The following ZFHX3 variants were observed in gnomAD, a reference collection of about 807,000 sequenced individuals.
ZFHX3 encodes the protein zinc finger homeobox 3, also known as zinc finger homeobox protein 3.
ZFHX3 carries 42 observed loss-of-function variants against 279.1 expected under a neutral mutation model. The ratio of observed to expected loss-of-function variants is 0.15; its 90% CI spans 0.12 to 0.19. The LOEUF is 0.19. Among genes scored for constraint, ZFHX3 ranks in the 10% least tolerant of loss-of-function variants. ZFHX3 has a pLI of 1.00. For missense variants in ZFHX3, 4,981 were observed against 4,754.0 expected (o/e 1.05, Z -1.40); for synonymous variants, 2,293 against 1,957.8 (o/e 1.17, Z -4.52).
chr16:73,590,193 A>C (rs889860371), intron 2 of ZFHX3, among the ~76,000 whole-genome samples: 2 of 152,180 alleles, frequency 1.3e-5, no homozygotes, highest in Non-Finnish European at 2.9e-5. Flanking sequence ...ATCTGTGTGA[A>C]CTCATGATAT....
intron 7 of ZFHX3, among the ~76,000 whole-genome samples, chr16:73,101,150 T>C (rs1163221926): frequency 6.6e-6 from 1 of 152,164 alleles, no homozygotes; most frequent in African/African-American, 2.4e-5. Context: ...TGCTTCACTT[T>C]CGATTCCTCT....
At chr16:73,391,195 G>T (rs1255293694) in intron 3 of ZFHX3, among the ~76,000 whole-genome samples, 6 of 152,128 alleles carry the variant, frequency 3.9e-5, no homozygotes, top group Admixed American at 2.6e-4. Flanking sequence ...CTAGGTTTTG[G>T]CCAGACGCGG....
At chr16:73,590,646 A>C (rs1267260397) in intron 2 of ZFHX3, among the ~76,000 whole-genome samples, 1 of 152,256 alleles carries the variant, frequency 6.6e-6, no homozygotes, top group Non-Finnish European at 1.5e-5. Context: ...GAAGGAAAAT[A>C]ATCAAGTATT....
intron 7 of ZFHX3, among the ~76,000 whole-genome samples, chr16:73,108,803 A>T (rs576815376): frequency 7.9e-5 from 12 of 152,206 alleles, no homozygotes; most frequent in Admixed American, 6.5e-5. Context: ...TGGGATCAGC[A>T]TCAAACCGAA....
intron 5 of ZFHX3, among the ~76,000 whole-genome samples, chr16:73,170,223 GTTTTTTTT>G (rs1156523996): frequency 3.5e-4 from 20 of 57,746 alleles, no homozygotes; most frequent in South Asian, 9.5e-4. Context: ...CCTTTCACTA[GTTTTTTTT>G]TTTTTTTTTT....
chr16:73,759,874 T>C (rs1268981748), intron 1 of ZFHX3, among the ~76,000 whole-genome samples: 5 of 71,978 alleles, frequency 6.9e-5, no homozygotes, highest in Non-Finnish European at 3.3e-5. Flanking sequence ...TGTCTTGGTC[T>C]TACAGGAAAA....
chr16:72,824,773 A>T (rs1043801231), intron 5 of ZFHX3, among the ~76,000 whole-genome samples: 1 of 152,242 alleles, frequency 6.6e-6, no homozygotes, highest in Admixed American at 6.5e-5. Context: ...GCAAATAATG[A>T]TTAATTGGAT....
chr16:73,853,532 C>G (rs1403470295), intron 1 of ZFHX3, among the ~76,000 whole-genome samples: 2 of 152,170 alleles, frequency 1.3e-5, no homozygotes, highest in African/African-American at 4.8e-5. Flanking sequence ...TTTGCAGCAA[C>G]ATGGATGGAA....
intron 1 of ZFHX3, among the ~76,000 whole-genome samples, chr16:73,718,331 A>G (rs2142234979): frequency 6.6e-6 from 1 of 152,184 alleles, no homozygotes; most frequent in South Asian, 2.1e-4. Context: ...GAATCACTTG[A>G]ACCCAGGAGG....
intron 5 of ZFHX3, among the ~76,000 whole-genome samples, chr16:73,159,288 A>T (rs1323082489): frequency 6.6e-6 from 1 of 152,240 alleles, no homozygotes; most frequent in Non-Finnish European, 1.5e-5. Context: ...GTACATTGCC[A>T]TTGTGGTAAA....
intron 5 of ZFHX3, among the ~76,000 whole-genome samples, chr16:73,169,010 A>G (rs1567408431): frequency 6.6e-6 from 1 of 152,138 alleles, no homozygotes; most frequent in African/African-American, 2.4e-5. Flanking sequence ...TTTTAGAACT[A>G]TTGTTTGGTT....
chr16:73,823,399 A>T (rs76097277), intron 1 of ZFHX3, among the ~76,000 whole-genome samples: 2,762 of 152,292 alleles, frequency 0.018, 78 homozygotes, highest in African/African-American at 0.064. Flanking sequence ...GACAGCATCA[A>T]TGACAGATGA....
chr16:73,851,517 G>A (rs1961593544), intron 1 of ZFHX3, among the ~76,000 whole-genome samples: 1 of 152,116 alleles, frequency 6.6e-6, no homozygotes. Flanking sequence ...TTGCTAAATG[G>A]ATAAAATAAC....
At chr16:73,077,487 T>C (rs1435871258) in intron 8 of ZFHX3, among the ~76,000 whole-genome samples, 1 of 151,922 alleles carries the variant, frequency 6.6e-6, no homozygotes, top group Admixed American at 6.6e-5. Context: ...GAAGTGACTC[T>C]CCCGTGATTT....
At chr16:72,846,958 C>T (rs2037497206) in intron 4 of ZFHX3, among the ~76,000 whole-genome samples, 2 of 152,190 alleles carry the variant, frequency 1.3e-5, no homozygotes, top group African/African-American at 2.4e-5. Context: ...GACCATCGTG[C>T]TCTGAAGCCT....
chr16:73,783,565 T>C (rs1347296638), intron 1 of ZFHX3, among the ~76,000 whole-genome samples: 3 of 152,194 alleles, frequency 2.0e-5, no homozygotes, highest in African/African-American at 7.2e-5. Context: ...ACCTATAGCA[T>C]GTGGGAAAGT....
At chr16:73,160,667 C>T (rs1967208435) in intron 5 of ZFHX3, among the ~76,000 whole-genome samples, 1 of 152,056 alleles carries the variant, frequency 6.6e-6, no homozygotes, top group Non-Finnish European at 1.5e-5. Flanking sequence ...ATCTTTCTTA[C>T]CATGAGTGCA....
chr16:73,118,270 A>T (rs1052364461), intron 7 of ZFHX3, among the ~76,000 whole-genome samples: 1 of 152,168 alleles, frequency 6.6e-6, no homozygotes, highest in Non-Finnish European at 1.5e-5. Context: ...GTGCAGTGGC[A>T]CAATTTCGGC....
At chr16:73,297,953 G>C (rs1005438181) in intron 4 of ZFHX3, among the ~76,000 whole-genome samples, 98 of 151,920 alleles carry the variant, frequency 6.5e-4, no homozygotes, top group African/African-American at 2.3e-3. Flanking sequence ...GGGAGGCTGA[G>C]GGGGGAAGGT....
Sources: allele counts gnomAD v4.1 joint callset (sites outside exome capture counted in the v4.1 genomes callset), GRCh38; gene constraint gnomAD v4.1.1; transcripts MANE v1.5; gene names NCBI Gene and HGNC (gene_info 2026-07-23, HGNC 2026-07-21).